The following DDX3Y variants were observed in gnomAD, a reference collection of about 807,000 sequenced individuals.
DDX3Y encodes the protein ATP-dependent RNA helicase DDX3Y.
Under a neutral mutation model 15.1 loss-of-function variants are expected in DDX3Y, and 2 were observed. The ratio of observed to expected loss-of-function variants is 0.13; its 90% CI spans 0.05 to 0.42. The LOEUF is 0.42. Ranked by LOEUF, DDX3Y falls within the 10% of genes least tolerant of loss-of-function variation. The pLI, the probability that DDX3Y is intolerant of heterozygous loss-of-function variation, is 0.99. For synonymous variants in DDX3Y, 47 were observed against 45.0 expected, an observed-to-expected ratio of 1.04 and a Z score of -0.18; for missense variants, 81 against 149.9, an observed-to-expected ratio of 0.54 and a Z score of 2.40.
upstream of DDX3Y, chrY:12,904,834 T>C: frequency 3.6e-6 from 1 of 274,605 alleles, no homozygotes; most frequent in Non-Finnish European, 5.8e-6. Context: ...TATTACCGCG[T>C]AGGCTAACCA....
chrY:12,904,847 G>T, upstream of DDX3Y: 2 of 298,440 alleles, frequency 6.7e-6, no homozygotes, highest in Non-Finnish European at 1.0e-5. Flanking sequence ...GCTAACCAGT[G>T]CGCTTAATAG....
At chrY:12,907,495 G>C in intron 1 of DDX3Y, 42 bp from the exon 2 acceptor site, 4 of 282,134 alleles carry the variant, frequency 1.4e-5, no homozygotes, top group Non-Finnish European at 2.0e-5. Flanking sequence ...GATGTTATCT[G>C]TTCTTGTGTA....
chrY:12,920,420 G>A lies in DDX3Y; in HGVS notation c.*2298G>A. 2.9e-5 allele frequency: 1 copy of A among 34,112 alleles called. No homozygotes were observed. The highest frequency in any genetic ancestry group is 7.3e-5 in the Non-Finnish European group (1 of 13,680). The allele number at this position is 34,112 out of a possible 400,897, so 8.5% of individuals were successfully genotyped here. On this transcript the variant is annotated 3_prime_UTR_variant, in exon 17 of 17. Transcript: ENST00000336079. Reference sequence around the variant, plus strand: ...ATTGCTTATTGTATTAGTTTTAGATGCTGGCACTGCATGTGCTCTGTTTAT... The same window carrying A: ...ATTGCTTATTGTATTAGTTTTAGATACTGGCACTGCATGTGCTCTGTTTAT...
In DDX3Y at chrY:12,912,859, T is replaced by C; in HGVS notation, c.414T>C (p.Leu138=). Residue 138 remains leucine (L), a synonymous_variant, in exon 5 of 17, where the codon CTT becomes CTC. Transcript: ENST00000336079. The part of the protein sequence containing the change: ...KSVEDDWSKP[L]PPSERLEQEL... Reference sequence around the variant, plus strand: ...TTGAAGATGATTGGTCAAAACCACTTCCACCAAGTGAACGCTTGGAGCAGT... The same window carrying C: ...TTGAAGATGATTGGTCAAAACCACTCCCACCAAGTGAACGCTTGGAGCAGT... 6 of 399,155 alleles carry C rather than the reference T, an allele frequency of 1.5e-5. No individual in the cohort carries two copies. The highest frequency in any genetic ancestry group is 2.1e-5 in the Non-Finnish European group (6 of 283,553).
In DDX3Y at chrY:12,907,580, C is replaced by G. The variant is rs1194075643; in HGVS notation, c.89C>G (p.Ala30Gly). ...DLNSEKQSGG[A>G]STASKGRYIP... ...AACTCTGAAAAACAGAGTGGAGGAGCAAGTACAGCGAGCAGTAAGTAAAAC... is the reference window on the plus strand; with the variant it reads ...AACTCTGAAAAACAGAGTGGAGGAGGAAGTACAGCGAGCAGTAAGTAAAAC... Residue 30 changes from alanine to glycine, a missense_variant, in exon 2 of 17, where the codon GCA (alanine) becomes GGA (glycine). Transcript: ENST00000336079. The G allele has an allele frequency of 2.7e-6, 1 of 371,243 alleles. No individual in the cohort carries two copies. Among genetic ancestry groups the G allele is most frequent in the South Asian group, 3.4e-5 (1 of 29,339 alleles). 92.6% of individuals were successfully genotyped at this position (371,243 alleles called of 400,897 possible).
chrY:12,906,632 C>T (rs2148296186), intron 1 of DDX3Y, among the ~76,000 whole-genome samples: 1 of 33,006 alleles, frequency 3.0e-5, no homozygotes, highest in South Asian at 6.8e-4. Context: ...AAGCTTTCTA[C>T]GGCATAGAAA....
rs1350657386 is a variant in DDX3Y at position 12,915,864 on chromosome Y, A to G, written c.1165-19A>G. ...TATGTATTAAAATAGGTAATTGAGT[A>G]TTTTTCTCACTGTTTCAGATGCTTG... On this transcript the variant is annotated intron_variant, in intron 11 of 16. Transcript: ENST00000336079. 6 of 398,137 alleles carry G rather than the reference A, an allele frequency of 1.5e-5. No homozygotes were observed. The South Asian group carries it at 1.8e-4, about 12-fold the overall frequency.
chrY:12,914,351 C>T (rs2053638858), intron 7 of DDX3Y, among the ~76,000 whole-genome samples: 1 of 33,964 alleles, frequency 2.9e-5, no homozygotes, highest in Admixed American at 2.7e-4. Flanking sequence ...GTTGATGCCA[C>T]TTTTCAGAAA....
intron 7 of DDX3Y, among the ~76,000 whole-genome samples, chrY:12,914,189 C>CT: frequency 3.0e-5 from 1 of 33,832 alleles, no homozygotes; most frequent in Middle Eastern, 0.014. Flanking sequence ...ATAGCCATAC[C>CT]CATTGGTTAC....
chrY:12,918,163 A>G lies in DDX3Y; in HGVS notation c.*41A>G. ...AAGTCACCCTTACAAAGAAGCTAATATGGAAACCACATGTAACTTAGCCAG... is the reference window on the plus strand; with the variant it reads ...AAGTCACCCTTACAAAGAAGCTAATGTGGAAACCACATGTAACTTAGCCAG... On this transcript the variant is annotated 3_prime_UTR_variant, in exon 17 of 17. Transcript: ENST00000336079. The G allele has an allele frequency of 3.3e-6, 1 of 301,869 alleles. No individual in the cohort carries two copies. The highest frequency in any genetic ancestry group is 3.7e-5 in the South Asian group (1 of 27,044). The allele number at this position is 301,869 out of a possible 400,897, so 75.3% of individuals were successfully genotyped here. A position where few individuals can be genotyped will look rare whatever the true frequency, so the allele number is the denominator to read the frequency against.
chrY:12,920,261 A>ATATAC lies in DDX3Y; in HGVS notation c.*2139_*2140insTATAC, dbSNP rs2053663072. The ATATAC allele has an allele frequency of 3.0e-5, 1 of 33,846 alleles. No individual in the cohort carries two copies. The highest frequency in any genetic ancestry group is 7.3e-5 in the Non-Finnish European group (1 of 13,624). 8.4% of individuals were successfully genotyped at this position (33,846 alleles called of 400,897 possible). ...TTTTCAGTGATTGTCTGGTATATTT[A>ATATAC]CAGTCCTCAAACATGGTTATTTCTG... On this transcript the variant is annotated 3_prime_UTR_variant, in exon 17 of 17. Coordinates refer to ENST00000336079, the MANE Select transcript of DDX3Y (RefSeq NM_004660.5).
chrY:12,907,646 T>G, intron 2 of DDX3Y, 52 bp downstream of exon 2: 2 of 199,027 alleles, frequency 1.0e-5, no homozygotes, highest in Non-Finnish European at 1.6e-5. Context: ...TTAATGTTAA[T>G]GTCTTACTGG....
chrY:12,909,781 T>G, intron 3 of DDX3Y: 1 of 35,263 alleles, frequency 2.8e-5, no homozygotes, highest in Non-Finnish European at 6.8e-5. Flanking sequence ...TGGGTTTTTT[T>G]TTTTTTAGAC....
At chrY:12,908,207 A>AT (rs2053617269) in intron 2 of DDX3Y, among the ~76,000 whole-genome samples, 72 of 33,933 alleles carry the variant, frequency 2.1e-3, no homozygotes, top group Non-Finnish European at 5.9e-4. Flanking sequence ...TTATAAAGAC[A>AT]TTCTTTTGAA....
At chrY:12,917,193 A>T in intron 15 of DDX3Y, 133 bp downstream of exon 15, 2 of 227,776 alleles carry the variant, frequency 8.8e-6, no homozygotes, top group Admixed American at 2.1e-4. Flanking sequence ...ATTATTAGAG[A>T]GGGTGACAAG....
At chrY:12,908,023 C>T (rs768749463) in intron 2 of DDX3Y, among the ~76,000 whole-genome samples, 21 of 34,468 alleles carry the variant, frequency 6.1e-4, no homozygotes, top group African/African-American at 2.3e-3. Context: ...GATATAAGCC[C>T]ATCCTTGTGA....
chrY:12,909,452 A>C (rs766886968), intron 3 of DDX3Y, 45 bp downstream of exon 3: 1 of 337,206 alleles, frequency 3.0e-6, no homozygotes, highest in Admixed American at 9.0e-5. Flanking sequence ...TTAGCAGCTA[A>C]TCAAAGCCTA....
intron 1 of DDX3Y, 121 bp downstream of exon 1, chrY:12,905,102 T>G: frequency 4.8e-6 from 1 of 206,906 alleles, no homozygotes; most frequent in Middle Eastern, 1.1e-3. Context: ...GTTATGTGAC[T>G]GGGACTCTAG....
chrY:12,920,391 A>G lies in DDX3Y; in HGVS notation c.*2269A>G. ...GAACCTCGAGTCACTGTAAAAGTTC[A>G]GTAATTGCTTATTGTATTAGTTTTA... On this transcript the variant is annotated 3_prime_UTR_variant, in exon 17 of 17. Coordinates refer to ENST00000336079, the MANE Select transcript of DDX3Y (RefSeq NM_004660.5). The G allele has an allele frequency of 2.9e-5, 1 of 34,242 alleles. No individual in the cohort carries two copies. The highest frequency in any genetic ancestry group is 7.3e-5 in the Non-Finnish European group (1 of 13,708). 8.5% of individuals were successfully genotyped at this position (34,242 alleles called of 400,897 possible).
Sources: allele counts gnomAD v4.1 joint callset (sites outside exome capture counted in the v4.1 genomes callset), GRCh38; gene constraint gnomAD v4.1.1; transcripts MANE v1.5; gene names NCBI Gene and HGNC (gene_info 2026-07-23, HGNC 2026-07-21).